Variants in PTPN13 observed in about 807,000 individuals in gnomAD.
The protein encoded by PTPN13 is protein tyrosine phosphatase non-receptor type 13, also known as tyrosine-protein phosphatase non-receptor type 13.
PTPN13 carries 191 observed loss-of-function variants against 284.0 expected under a neutral mutation model. The observed-to-expected ratio is 0.67, with a 90% confidence interval of 0.60 to 0.76. The LOEUF is 0.76. Among genes scored for constraint, PTPN13 ranks in the 30% least tolerant of loss-of-function variants. The pLI is 0.00. For synonymous variants in PTPN13, 986 were observed against 1,022.3 expected (o/e 0.96, Z 0.68); for missense variants, 2,797 against 2,939.9 (o/e 0.95, Z 1.12).
chr4:86,768,004 C>G, intron 28 of PTPN13, 28 bp downstream of exon 28: 4 of 1,583,000 alleles, frequency 2.5e-6, no homozygotes, highest in Non-Finnish European at 3.4e-6. Flanking sequence ...TACAATCTCA[C>G]CTTTAAATTA....
intron 1 of PTPN13, among the ~76,000 whole-genome samples, 182 bp downstream of exon 1, chr4:86,594,971 A>C (rs1369793620): frequency 1.3e-5 from 2 of 151,956 alleles, no homozygotes; most frequent in African/African-American, 4.8e-5. Flanking sequence ...TGTACGTTAG[A>C]GTGGGGGTGG....
At chr4:86,784,705 T>C (rs1741704058) in intron 38 of PTPN13, 147 bp downstream of exon 38, 2 of 597,330 alleles carry the variant, frequency 3.3e-6, no homozygotes, top group African/African-American at 1.9e-5. Flanking sequence ...AAAAGAACAA[T>C]ATATAAATGT....
intron 6 of PTPN13, among the ~76,000 whole-genome samples, chr4:86,697,205 C>T (rs73835703): frequency 8.1e-4 from 123 of 152,190 alleles, no homozygotes; most frequent in African/African-American, 2.8e-3. Context: ...CCTTGTGATA[C>T]ATTATTAATA....
intron 1 of PTPN13, among the ~76,000 whole-genome samples, chr4:86,621,244 A>G (rs1186517676): frequency 6.6e-6 from 1 of 152,240 alleles, no homozygotes; most frequent in Non-Finnish European, 1.5e-5. Context: ...TTGTATTCAC[A>G]ATAAGCAATT....
At chr4:86,799,285 T>A in intron 42 of PTPN13, 81 bp downstream of exon 42, 1 of 847,684 alleles carries the variant, frequency 1.2e-6, no homozygotes, top group Non-Finnish European at 1.8e-6. Context: ...ACTATATGGA[T>A]ATGCTGTTTT....
intron 46 of PTPN13, 144 bp downstream of exon 46, chr4:86,810,128 A>G (rs2149391397): frequency 1.5e-6 from 1 of 652,530 alleles, no homozygotes; most frequent in East Asian, 2.9e-5. Context: ...TATTATAGAA[A>G]ATTGTATTTT....
intron 7 of PTPN13, among the ~76,000 whole-genome samples, chr4:86,714,009 G>A (rs766748945): frequency 4.7e-5 from 7 of 150,524 alleles, no homozygotes; most frequent in South Asian, 2.1e-4. Context: ...CTCTACTGCC[G>A]TGCACTTCGT....
chr4:86,696,299 T>C (rs904975723), intron 6 of PTPN13, among the ~76,000 whole-genome samples: 1 of 152,000 alleles, frequency 6.6e-6, no homozygotes, highest in Non-Finnish European at 1.5e-5. Context: ...ATTTGTTGAC[T>C]GAACGAGAAA....
At chr4:86,801,488 G>GTT (rs1361903832) in intron 42 of PTPN13, among the ~76,000 whole-genome samples, 1 of 152,214 alleles carries the variant, frequency 6.6e-6, no homozygotes, top group Admixed American at 6.5e-5. Context: ...ATGCAGATTA[G>GTT]AATTTCAGTT....
chr4:86,774,778 A>G (rs1352844176), intron 33 of PTPN13, among the ~76,000 whole-genome samples: 10 of 151,582 alleles, frequency 6.6e-5, no homozygotes, highest in African/African-American at 2.4e-5. Flanking sequence ...GGTTTGTTAC[A>G]TATGTATACA....
Position 86,729,921 on chromosome 4 carries a change from A to G in PTPN13, c.1609-2479A>G, listed in dbSNP as rs1257688417. Among the ~76,000 whole-genome samples the G allele has an allele frequency of 2.0e-5, 3 of 149,056 alleles. 1 individual carries two copies. Among genetic ancestry groups the G allele is most frequent in the Non-Finnish European group, 4.5e-5 (3 of 66,506 alleles). Reference sequence around the variant, plus strand: ...TGCAGTCCTTTGGAGGAGAAGAAGCACTCTGGTTTTTAGAATTTTCAGCTT... The same window carrying G: ...TGCAGTCCTTTGGAGGAGAAGAAGCGCTCTGGTTTTTAGAATTTTCAGCTT... On this transcript the variant is annotated intron_variant, in intron 10 of 47. Transcript: ENST00000411767.
intron 7 of PTPN13, among the ~76,000 whole-genome samples, chr4:86,705,365 C>T (rs953767324): frequency 2.8e-5 from 4 of 142,388 alleles, no homozygotes; most frequent in East Asian, 2.0e-4. Context: ...CGCAAACAAA[C>T]GTGCAGCTTG....
In PTPN13 at chr4:86,805,201, C is replaced by G; in HGVS notation, c.6655-78C>G. On this transcript the variant is annotated intron_variant, in intron 43 of 47. Transcript: ENST00000411767. ...CAGCCTTAATCAACCAATTTTGCCC[C>G]TACACATTTAAAGTATTTGAAGTTA... The G allele has an allele frequency of 1.2e-5, 11 of 894,850 alleles. No individual in the cohort carries two copies. In the South Asian group the frequency reaches 2.0e-4, roughly 17 times the overall value. 55.4% of individuals were successfully genotyped at this position (894,850 alleles called of 1,614,324 possible). A position where few individuals can be genotyped will look rare whatever the true frequency, so the allele number is the denominator to read the frequency against.
intron 1 of PTPN13, among the ~76,000 whole-genome samples, chr4:86,597,267 G>A (rs1179304991): frequency 6.6e-6 from 1 of 151,776 alleles, no homozygotes; most frequent in Non-Finnish European, 1.5e-5. Context: ...TTTAAGATAG[G>A]GTCTCTGTTG....
Position 86,672,520 on chromosome 4 carries a change from A to G in PTPN13, c.271A>G (p.Thr91Ala). Reference protein sequence around the residue: ...APEVLQNQSLTSLSDVEKIHI... With the variant: ...APEVLQNQSLASLSDVEKIHI... ...AGAGGTTCTTCAAAATCAGTCACTA[A>G]CTTCTCTCTCAGATGTTGAAAAGGT... Residue 91 changes from threonine to alanine, a missense_variant, in exon 3 of 48, where the codon ACT becomes GCT. Coordinates refer to ENST00000411767, the MANE Select transcript of PTPN13 (RefSeq NM_080683.3). The G allele has an allele frequency of 1.2e-6, 2 of 1,606,222 alleles. No homozygotes were observed. Among genetic ancestry groups the G allele is most frequent in the Non-Finnish European group, 1.7e-6 (2 of 1,176,174 alleles).
intron 6 of PTPN13, among the ~76,000 whole-genome samples, chr4:86,697,826 A>AT (rs1230347372): frequency 2.0e-5 from 3 of 152,284 alleles, no homozygotes; most frequent in African/African-American, 7.2e-5. Flanking sequence ...AAATGATGAT[A>AT]TCCAGTGTAG....
chr4:86,691,088 A>G (rs773763609), intron 5 of PTPN13, among the ~76,000 whole-genome samples: 2 of 152,090 alleles, frequency 1.3e-5, no homozygotes, highest in Non-Finnish European at 2.9e-5. Context: ...GAAGCTGAGC[A>G]TGGTGATGCA....
At position 86,598,178 on chromosome 4, in the gene PTPN13, G is replaced by T. The variant is rs993402392; in HGVS notation, c.-6+3389G>T. On this transcript the variant is annotated intron_variant, in intron 1 of 47. Transcript: ENST00000411767. ...TTTTTTTTTTTTAAGATGGAATCTC[G>T]CCCAGGCTGGAATACAGTGGCACAA... 1.1e-4 allele frequency among the ~76,000 whole-genome samples: 16 copies of T among 148,740 alleles called. No homozygotes were observed. The South Asian group carries it at 3.2e-3, about 30-fold the overall frequency.
At chr4:86,688,369 T>C (rs1729656736) in intron 4 of PTPN13, among the ~76,000 whole-genome samples, 1 of 152,168 alleles carries the variant, frequency 6.6e-6, no homozygotes, top group African/African-American at 2.4e-5. Flanking sequence ...TAGTGGCTTC[T>C]TCTTGTAGTG....
Sources: allele counts gnomAD v4.1 joint callset (sites outside exome capture counted in the v4.1 genomes callset), GRCh38; gene constraint gnomAD v4.1.1; transcripts MANE v1.5; gene names NCBI Gene and HGNC (gene_info 2026-07-23, HGNC 2026-07-21).